The following NDUFC2 variants were observed in gnomAD, a reference collection of about 807,000 sequenced individuals.
NDUFC2 encodes NADH:ubiquinone oxidoreductase subunit C2.
NDUFC2 carries 2 observed loss-of-function variants against 10.1 expected under a neutral mutation model. The observed-to-expected ratio is 0.20, with a 90% confidence interval of 0.08 to 0.62. The LOEUF (loss-of-function observed/expected upper bound fraction) is 0.62, where lower values mean the gene tolerates loss of function less well. Ranked by LOEUF, NDUFC2 falls within the 20% of genes least tolerant of loss-of-function variation. The pLI is 0.87. For missense variants in NDUFC2, 156 were observed against 159.6 expected (o/e 0.98, Z 0.12); for synonymous variants, 61 against 63.6 (o/e 0.96, Z 0.20).
chr11:78,077,669 C>G (rs955950177), intron 1 of NDUFC2, among the ~76,000 whole-genome samples: 92 of 152,074 alleles, frequency 6.0e-4, no homozygotes, highest in African/African-American at 1.9e-3. Context: ...GATTCTCCTC[C>G]CTTAGCTTCC....
At chr11:78,072,012 A>G (rs1859031183) in intron 2 of NDUFC2, among the ~76,000 whole-genome samples, 1 of 152,194 alleles carries the variant, frequency 6.6e-6, no homozygotes, top group African/African-American at 2.4e-5. Flanking sequence ...AGACGAAGCT[A>G]CAATCCATGA....
chr11:78,079,643 G>A lies in NDUFC2; in HGVS notation c.102C>T (p.Gly34=). Residue 34 remains glycine, a synonymous_variant, in exon 1 of 3, where the codon GGC becomes GGT. Coordinates refer to ENST00000281031, the MANE Select transcript of NDUFC2 (RefSeq NM_004549.6). The part of the protein sequence containing the change: ...KLTDPRLLYI[G]FLGYCSGLID... ...TCAGGCCGGAGCAGTAGCCCAAGAA[G>A]CCGATGTAGAGGAGCCGCGGGTCGG... is the stretch of plus-strand genomic sequence containing the variant. 6.3e-7 allele frequency: 1 copy of A among 1,592,504 alleles called. No individual in the cohort carries two copies.
intron 1 of NDUFC2, among the ~76,000 whole-genome samples, chr11:78,074,313 A>G (rs1303866876): frequency 6.8e-6 from 1 of 147,130 alleles, no homozygotes; most frequent in Non-Finnish European, 1.5e-5. Context: ...CCTCTAAAAC[A>G]TAGACAAGAC....
At chr11:78,072,439 A>C (rs779554894) in intron 2 of NDUFC2, among the ~76,000 whole-genome samples, 1 of 152,202 alleles carries the variant, frequency 6.6e-6, no homozygotes, top group Admixed American at 6.5e-5. Flanking sequence ...CGGCCCCCCA[A>C]AGTGCTGGGA....
chr11:78,078,418 C>T (rs1317770043), intron 1 of NDUFC2, among the ~76,000 whole-genome samples: 1 of 152,162 alleles, frequency 6.6e-6, no homozygotes, highest in Admixed American at 6.6e-5. Flanking sequence ...CCCACTAGCC[C>T]CACGGGCCTA....
chr11:78,077,749 G>C (rs1338119939), intron 1 of NDUFC2, among the ~76,000 whole-genome samples: 1 of 152,040 alleles, frequency 6.6e-6, no homozygotes, highest in Admixed American at 6.6e-5. Flanking sequence ...GTAGAGACAG[G>C]GTCTCACTAT....
intron 1 of NDUFC2, among the ~76,000 whole-genome samples, chr11:78,073,402 G>A (rs764560145): frequency 6.6e-6 from 1 of 152,148 alleles, no homozygotes; most frequent in Admixed American, 6.5e-5. Flanking sequence ...TGAGGCAGGC[G>A]AATCATTGGA....
At chr11:78,074,351 A>T (rs1859152347) in intron 1 of NDUFC2, among the ~76,000 whole-genome samples, 1 of 152,060 alleles carries the variant, frequency 6.6e-6, no homozygotes, top group Non-Finnish European at 1.5e-5. Context: ...GGTGGCTCAC[A>T]ACTGTAATCC....
chr11:78,070,738 G>T (rs187262343), intron 2 of NDUFC2, among the ~76,000 whole-genome samples: 2 of 152,322 alleles, frequency 1.3e-5, no homozygotes, highest in Admixed American at 1.3e-4. Flanking sequence ...ACACAGAGGG[G>T]CACAGGTCAG....
chr11:78,074,441 C>T (rs980266643), intron 1 of NDUFC2, among the ~76,000 whole-genome samples: 23 of 151,826 alleles, frequency 1.5e-4, no homozygotes, highest in African/African-American at 5.1e-4. Context: ...GGTGAAACTC[C>T]GTCTCTACTA....
Position 78,079,836 on chromosome 11 carries a change from T to C in NDUFC2, c.-92A>G. 1.4e-6 allele frequency: 2 copies of C among 1,463,114 alleles called. No individual in the cohort carries two copies. The highest frequency in any genetic ancestry group is 1.8e-6 in the Non-Finnish European group (2 of 1,103,174). 90.6% of individuals were successfully genotyped at this position (1,463,114 alleles called of 1,614,324 possible). A position where few individuals can be genotyped will look rare whatever the true frequency, so the allele number is the denominator to read the frequency against. On this transcript the variant is annotated 5_prime_UTR_variant, in exon 1 of 3. Coordinates refer to ENST00000281031, the MANE Select transcript of NDUFC2 (RefSeq NM_004549.6). ...CTACCCCGGCCTAAGCGGTCAGCTT[T>C]CTCCTCCTCCTCTGCGCGCCGGACT... is the stretch of plus-strand genomic sequence containing the variant.
At chr11:78,070,127 T>G in intron 2 of NDUFC2, 91 bp from the exon 3 acceptor site, 1 of 889,018 alleles carries the variant, frequency 1.1e-6, no homozygotes, top group South Asian at 1.7e-5. Flanking sequence ...ACTAATCTTA[T>G]GATTGAAATC....
At chr11:78,078,938 C>T (rs1859377756) in intron 1 of NDUFC2, among the ~76,000 whole-genome samples, 1 of 151,348 alleles carries the variant, frequency 6.6e-6, no homozygotes, top group Admixed American at 6.6e-5. Flanking sequence ...ATTGCCCATA[C>T]TGGTATCGAA....
chr11:78,073,173 C>A, intron 1 of NDUFC2, 32 bp from the exon 2 acceptor site: 1 of 1,611,790 alleles, frequency 6.2e-7, no homozygotes, highest in Non-Finnish European at 8.5e-7. Flanking sequence ...CCAAAGAAAG[C>A]AAAAATTAGT....
In NDUFC2 at chr11:78,074,503, C is replaced by T. The variant is rs180738521; in HGVS notation, c.167-1362G>A. On this transcript the variant is annotated intron_variant, in intron 1 of 2. Coordinates refer to ENST00000281031, the MANE Select transcript of NDUFC2 (RefSeq NM_004549.6). ...TAGCACGCACCTGTAGTCCCAGCTACTCAGGAGGCTGAGGCTGGAGAATCG... is the reference window on the plus strand; with the variant it reads ...TAGCACGCACCTGTAGTCCCAGCTATTCAGGAGGCTGAGGCTGGAGAATCG... Among the ~76,000 whole-genome samples the T allele has an allele frequency of 8.8e-4, 133 of 151,998 alleles. 1 individual carries two copies. The East Asian group carries it at 0.02, about 23-fold the overall frequency.
intron 2 of NDUFC2, among the ~76,000 whole-genome samples, chr11:78,072,001 A>T (rs1590777415): frequency 6.6e-6 from 1 of 152,288 alleles, no homozygotes; most frequent in African/African-American, 2.4e-5. Context: ...TGGGGAAACA[A>T]AGACGAAGCT....
In NDUFC2 at chr11:78,079,604, G is replaced by A. The variant is rs896312907; in HGVS notation, c.141C>T (p.Ile47=). ...CAGCCGTCGCGATCGGCCTCCGCCG[G>A]ATTAGGTTATCAATCAGGCCGGAGC... ...GYCSGLIDNL[I]RRRPIATAGL... Residue 47 remains isoleucine (I), a synonymous_variant, in exon 1 of 3, where the codon ATC becomes ATT. Coordinates refer to ENST00000281031, the MANE Select transcript of NDUFC2 (RefSeq NM_004549.6). 6.4e-7 allele frequency: 1 copy of A among 1,558,676 alleles called. No homozygotes were observed. The highest frequency in any genetic ancestry group is 8.7e-7 in the Non-Finnish European group (1 of 1,151,780).
At position 78,069,889 on chromosome 11, in the gene NDUFC2, T is replaced by C; in HGVS notation, c.*98A>G. 3.7e-6 allele frequency: 6 copies of C among 1,612,164 alleles called. No homozygotes were observed. Among genetic ancestry groups the C allele is most frequent in the Non-Finnish European group, 5.1e-6 (6 of 1,178,980 alleles). On this transcript the variant is annotated 3_prime_UTR_variant, in exon 3 of 3. Coordinates refer to ENST00000281031, the MANE Select transcript of NDUFC2 (RefSeq NM_004549.6). The stretch of plus-strand genomic sequence containing the variant: ...GTATTTTAATTACAAGGTGTCAACA[T>C]ACAGATTAGCATAAGCTTCAACTGT...
intron 1 of NDUFC2, among the ~76,000 whole-genome samples, chr11:78,075,842 C>G (rs1236801094): frequency 6.6e-6 from 1 of 152,168 alleles, no homozygotes; most frequent in African/African-American, 2.4e-5. Context: ...CCCACCTCAG[C>G]CTTCCAAAGT....
Sources: gnomAD v4.1 joint callset for allele counts (sites outside exome capture counted in the v4.1 genomes callset) on GRCh38, gnomAD v4.1.1 for gene constraint, MANE v1.5 for transcripts, NCBI Gene and HGNC (gene_info 2026-07-23, HGNC 2026-07-21) for gene names.